UNC13C: variants seen among roughly 807,000 people sequenced by gnomAD.
UNC13C encodes the protein unc-13 homolog C.
Under a neutral mutation model 245.4 loss-of-function variants are expected in UNC13C, and 174 were observed. The observed-to-expected ratio is 0.71, with a 90% CI of 0.63 to 0.80. The LOEUF is 0.80. Among genes scored for constraint, UNC13C ranks in the 30% least tolerant of loss-of-function variants. UNC13C has a pLI of 0.00. For synonymous variants in UNC13C, 992 were observed against 895.1 expected (o/e 1.11, Z -1.93); for missense variants, 2,829 against 2,602.9 (o/e 1.09, Z -1.89).
rs368022954 is a variant in UNC13C at position 54,332,069 on chromosome 15, C to G, written c.4452C>G (p.Asp1484Glu). 16 of 1,581,892 alleles carry G rather than the reference C, an allele frequency of 1.0e-5. No homozygotes were observed. The African/African-American group carries it at 1.6e-4, about 16-fold the overall frequency. ...GGGAAAAATTCATAAAACTACTGGA[C>G]CAGTTACATAACTCTTTGAGGATTG... is the stretch of plus-strand genomic sequence containing the variant. ...FGREKFIKLL[D>E]QLHNSLRIDL... Residue 1484 changes from aspartate (D) to glutamate (E), a missense_variant, in exon 15 of 33, where the codon GAC becomes GAG. Transcript: ENST00000260323.
At chr15:54,382,109 T>C (rs922407809) in intron 17 of UNC13C, among the ~76,000 whole-genome samples, 1 of 152,150 alleles carries the variant, frequency 6.6e-6, no homozygotes, top group East Asian at 1.9e-4. Context: ...AATCTATACA[T>C]ATACTTGGAA....
intron 19 of UNC13C, among the ~76,000 whole-genome samples, chr15:54,468,548 C>G (rs370299861): frequency 3.5e-4 from 53 of 151,788 alleles, no homozygotes; most frequent in African/African-American, 1.2e-3. Context: ...AGATTTTCCC[C>G]TGTGTTTCCT....
At chr15:54,183,081 A>G (rs1316242081) in intron 4 of UNC13C, among the ~76,000 whole-genome samples, 4 of 152,002 alleles carry the variant, frequency 2.6e-5, no homozygotes, top group Non-Finnish European at 4.4e-5. Context: ...AAAATAAAAT[A>G]ACAAAATAAA....
chr15:54,330,705 A>G (rs1362610248), intron 14 of UNC13C, among the ~76,000 whole-genome samples: 1 of 152,178 alleles, frequency 6.6e-6, no homozygotes, highest in South Asian at 2.1e-4. Flanking sequence ...ACCCAAATGC[A>G]TGGAAGTTGG....
At chr15:54,035,458 A>G (rs549576348) in intron 2 of UNC13C, among the ~76,000 whole-genome samples, 4 of 152,336 alleles carry the variant, frequency 2.6e-5, no homozygotes, top group Admixed American at 2.6e-4. Context: ...CACCCAGTAA[A>G]CACTGTTAGT....
At chr15:54,495,594 G>C (rs547327170) in intron 20 of UNC13C, among the ~76,000 whole-genome samples, 2 of 152,050 alleles carry the variant, frequency 1.3e-5, no homozygotes, top group African/African-American at 4.8e-5. Context: ...CATAATTATG[G>C]AGGTAAGAAT....
chr15:54,296,104 CA>C (rs1305030236), intron 11 of UNC13C, among the ~76,000 whole-genome samples: 4 of 152,122 alleles, frequency 2.6e-5, no homozygotes, highest in African/African-American at 9.7e-5. Flanking sequence ...ATCAAAGAAC[CA>C]ATAAAGCTCC....
chr15:54,403,120 T>A (rs1476857569), intron 18 of UNC13C, among the ~76,000 whole-genome samples: 2 of 152,216 alleles, frequency 1.3e-5, no homozygotes, highest in Non-Finnish European at 2.9e-5. Flanking sequence ...AACAGTTATC[T>A]AAACTCAGTA....
rs1026351432 is a variant in UNC13C at position 53,994,762 on chromosome 15, T to C, written c.-257+15835T>C. Among the ~76,000 whole-genome samples the C allele has an allele frequency of 5.9e-5, 9 of 152,252 alleles. No individual in the cohort carries two copies. In the East Asian group the frequency reaches 1.5e-3, roughly 26 times the overall value. ...AGGATTAATTGAATGTGTTTTTTAA[T>C]GTGTATAGTATAGTGTCTGAAATAT... On this transcript the variant is annotated intron_variant, in intron 1 of 32. Coordinates refer to ENST00000260323, the MANE Select transcript of UNC13C (RefSeq NM_001080534.3).
chr15:54,544,685 C>T (rs534531330), intron 26 of UNC13C, among the ~76,000 whole-genome samples: 72 of 152,236 alleles, frequency 4.7e-4, no homozygotes, highest in Non-Finnish European at 2.2e-4. Flanking sequence ...CATGAGTGAA[C>T]TCCCATTCAC....
chr15:54,102,348 A>G (rs984188552), intron 2 of UNC13C, among the ~76,000 whole-genome samples: 1 of 152,152 alleles, frequency 6.6e-6, no homozygotes, highest in African/African-American at 2.4e-5. Context: ...TCAACTTTCA[A>G]AGATGTCAAA....
chr15:53,870,071 C>G, the UNC13C span, among the ~76,000 whole-genome samples: 5 of 152,326 alleles, frequency 3.3e-5, no homozygotes, highest in Admixed American at 1.3e-4. Context: ...GTTTTTCCCA[C>G]CAGCCTGACT....
At chr15:54,588,561 T>C (rs1898606651) in intron 30 of UNC13C, among the ~76,000 whole-genome samples, 1 of 152,180 alleles carries the variant, frequency 6.6e-6, no homozygotes, top group Admixed American at 6.5e-5. Context: ...ATGAGTAAAT[T>C]CTTTAGTGAT....
At chr15:54,338,565 T>G in intron 17 of UNC13C, 76 bp downstream of exon 17, 3 of 1,480,052 alleles carry the variant, frequency 2.0e-6, no homozygotes, top group Non-Finnish European at 2.8e-6. Context: ...AGCATAATAG[T>G]AAATAGAAAA....
chr15:54,192,735 A>C (rs376429476), intron 4 of UNC13C, among the ~76,000 whole-genome samples: 5 of 152,256 alleles, frequency 3.3e-5, no homozygotes, highest in Admixed American at 1.3e-4. Context: ...TGAGATCTGT[A>C]GCTGTAGCAC....
chr15:54,335,940 C>T (rs188222799), intron 16 of UNC13C, among the ~76,000 whole-genome samples: 1 of 151,994 alleles, frequency 6.6e-6, no homozygotes, highest in East Asian at 1.9e-4. Flanking sequence ...TGGGATTTTC[C>T]ATGTTATGTA....
At chr15:53,900,912 T>G in the UNC13C span, among the ~76,000 whole-genome samples, 1 of 152,182 alleles carries the variant, frequency 6.6e-6, no homozygotes, top group Admixed American at 6.5e-5. Flanking sequence ...TTAACGTACA[T>G]TCATTTTTTT....
the UNC13C span, among the ~76,000 whole-genome samples, chr15:53,885,468 C>G: frequency 6.6e-6 from 1 of 152,160 alleles, no homozygotes; most frequent in Non-Finnish European, 1.5e-5. Flanking sequence ...AACAGACAGG[C>G]CTTACTGCAT....
At chr15:54,060,753 T>A (rs1190174752) in intron 2 of UNC13C, among the ~76,000 whole-genome samples, 1 of 151,964 alleles carries the variant, frequency 6.6e-6, no homozygotes, top group Non-Finnish European at 1.5e-5. Flanking sequence ...ATTAAGAAAA[T>A]GTGGCACATA....
Sources: gnomAD v4.1 joint callset for allele counts (sites outside exome capture counted in the v4.1 genomes callset) on GRCh38, gnomAD v4.1.1 for gene constraint, MANE v1.5 for transcripts, NCBI Gene and HGNC (gene_info 2026-07-23, HGNC 2026-07-21) for gene names.